Variants in SRPK1 observed in about 807,000 individuals in gnomAD.
SRPK1 encodes the protein SRSF protein kinase 1.
In SRPK1, 52 loss-of-function variants were observed where a neutral mutation model predicts 89.5. That is an observed-to-expected ratio of 0.58 (90% confidence interval 0.46 to 0.73). The LOEUF (loss-of-function observed/expected upper bound fraction) is 0.73, where lower values mean the gene tolerates loss of function less well. SRPK1 is among the 30% of genes least tolerant of loss of function. The pLI, the probability that SRPK1 is intolerant of heterozygous loss-of-function variation, is 0.00. For synonymous variants in SRPK1, 255 were observed against 270.2 expected (o/e 0.94, Z 0.55); for missense variants, 603 against 780.6 (o/e 0.77, Z 2.71).
chr6:35,856,590 G>T (rs1445070381), intron 13 of SRPK1, among the ~76,000 whole-genome samples: 2 of 152,148 alleles, frequency 1.3e-5, no homozygotes, highest in Non-Finnish European at 2.9e-5. Flanking sequence ...AATCCAGACA[G>T]TTATACATAA....
intron 6 of SRPK1, among the ~76,000 whole-genome samples, chr6:35,876,604 G>A (rs550191933): frequency 1.0e-3 from 152 of 152,128 alleles, no homozygotes; most frequent in African/African-American, 3.4e-3. Context: ...ATCATGCCAC[G>A]GCACTCCAGC....
chr6:35,871,078 G>A, intron 8 of SRPK1, 119 bp from the exon 9 acceptor site: 1 of 584,274 alleles, frequency 1.7e-6, no homozygotes. Context: ...ACATTGCAGA[G>A]AAAACTATTG....
At chr6:35,838,603 T>A (rs1769235459) in intron 14 of SRPK1, 174 bp from the exon 15 acceptor site, 1 of 1,530,342 alleles carries the variant, frequency 6.5e-7, no homozygotes, top group African/African-American at 1.4e-5. Flanking sequence ...TAATGGAGAA[T>A]TCACAAAGTC....
At chr6:35,849,820 G>A (rs1769515163) in intron 13 of SRPK1, among the ~76,000 whole-genome samples, 1 of 152,120 alleles carries the variant, frequency 6.6e-6, no homozygotes, top group Non-Finnish European at 1.5e-5. Flanking sequence ...GGTACCAAGT[G>A]TTTCAGATTA....
At chr6:35,900,587 G>C (rs1189747555) in intron 2 of SRPK1, among the ~76,000 whole-genome samples, 1 of 152,186 alleles carries the variant, frequency 6.6e-6, no homozygotes, top group Non-Finnish European at 1.5e-5. Flanking sequence ...AGTTGGGACA[G>C]CAAAGTCCTA....
At chr6:35,868,963 C>A in intron 12 of SRPK1, 47 bp downstream of exon 12, 1 of 1,474,972 alleles carries the variant, frequency 6.8e-7, no homozygotes, top group East Asian at 2.3e-5. Flanking sequence ...AATTCTCATT[C>A]ATCCTCCCAG....
At chr6:35,897,624 C>T (rs1206900561) in intron 2 of SRPK1, among the ~76,000 whole-genome samples, 1 of 152,180 alleles carries the variant, frequency 6.6e-6, no homozygotes, top group African/African-American at 2.4e-5. Flanking sequence ...AAGTGATCCT[C>T]CCACCTCAGT....
At position 35,903,987 on chromosome 6, in the gene SRPK1, A is replaced by T. The variant is rs914336718; in HGVS notation, c.75-12974T>A. 9.4e-5 allele frequency among the ~76,000 whole-genome samples: 14 copies of T among 149,126 alleles called. No individual in the cohort carries two copies. The East Asian group carries it at 2.2e-3, about 23-fold the overall frequency. ...CCCAGCGAATTTTTTTTTTTTTTTT[A>T]AAGACAGGGTCCCACTGAATTGCCC... is the stretch of plus-strand genomic sequence containing the variant. On this transcript the variant is annotated intron_variant, in intron 2 of 15. Transcript: ENST00000373825.
At chr6:35,895,388 A>T (rs1770608261) in intron 2 of SRPK1, among the ~76,000 whole-genome samples, 1 of 152,022 alleles carries the variant, frequency 6.6e-6, no homozygotes, top group Admixed American at 6.6e-5. Context: ...TACGAAGTTA[A>T]AGTGCCTACA....
In SRPK1 at chr6:35,838,382, G is replaced by A; in HGVS notation, c.1738C>T (p.Leu580Phe). ...TTGGAATATTTTCCTGCCACAATGA[G>A]CTTGCGAGGCACCTTCCCCAGAAGT... ...IELLGKVPRK[L>F]IVAGKYSKEF... Residue 580 changes from leucine (L) to phenylalanine (F), a missense_variant, in exon 15 of 16, where the codon CTC (leucine) becomes TTC (phenylalanine). Leu to Phe is a conservative substitution (Grantham distance 22). Coordinates refer to ENST00000373825, the MANE Select transcript of SRPK1 (RefSeq NM_003137.5). 1 of 1,581,566 alleles carries A rather than the reference G, an allele frequency of 6.3e-7. No individual in the cohort carries two copies. The highest frequency in any genetic ancestry group is 8.5e-7 in the Non-Finnish European group (1 of 1,171,732).
intron 13 of SRPK1, among the ~76,000 whole-genome samples, chr6:35,850,036 T>A (rs1276224760): frequency 6.6e-6 from 1 of 151,952 alleles, no homozygotes; most frequent in Non-Finnish European, 1.5e-5. Context: ...GAGAGCAGAA[T>A]GGTGGTTACA....
chr6:35,920,220 G>T (rs745896106), intron 2 of SRPK1: 1 of 598,314 alleles, frequency 1.7e-6, no homozygotes. Flanking sequence ...AAGGTACCGG[G>T]CGGGCTCTGG....
intron 1 of SRPK1, 104 bp from the exon 2 acceptor site, chr6:35,920,632 C>G: frequency 1.0e-6 from 1 of 990,722 alleles, no homozygotes; most frequent in Non-Finnish European, 1.4e-6. Context: ...GCGGGGCCTG[C>G]CTCGGGGGCG....
chr6:35,865,201 C>A (rs1769867379), intron 12 of SRPK1, among the ~76,000 whole-genome samples: 1 of 152,030 alleles, frequency 6.6e-6, no homozygotes, highest in Admixed American at 6.5e-5. Context: ...ATTGTCGTAA[C>A]ACAAAGGATA....
chr6:35,866,219 G>A (rs1769899970), intron 12 of SRPK1, among the ~76,000 whole-genome samples: 1 of 151,998 alleles, frequency 6.6e-6, no homozygotes, highest in South Asian at 2.1e-4. Flanking sequence ...ATAACATGTT[G>A]GAGAGGATGT....
intron 2 of SRPK1, among the ~76,000 whole-genome samples, chr6:35,891,663 G>A (rs1581589880): frequency 6.6e-6 from 1 of 150,816 alleles, no homozygotes; most frequent in East Asian, 1.9e-4. Context: ...GGAAGTGGAG[G>A]CTACGGTGAG....
Position 35,878,937 on chromosome 6 carries a change from G to A in SRPK1, c.479-4598C>T, listed in dbSNP as rs540490528. On this transcript the variant is annotated intron_variant, in intron 6 of 15. Coordinates refer to ENST00000373825, the MANE Select transcript of SRPK1 (RefSeq NM_003137.5). ...GAAACGCTGTCTCTATTAAAATTACGAAAATTAGCCAGGTGTGGTGGCATG... is the reference window on the plus strand; with the variant it reads ...GAAACGCTGTCTCTATTAAAATTACAAAAATTAGCCAGGTGTGGTGGCATG... 1.6e-3 allele frequency among the ~76,000 whole-genome samples: 241 copies of A among 152,010 alleles called. 1 individual carries two copies. Among genetic ancestry groups the A allele is most frequent in the Middle Eastern group, 0.01 (3 of 294 alleles).
At position 35,920,497 on chromosome 6, in the gene SRPK1, G is replaced by T. The variant is rs200997879; in HGVS notation, c.45C>A (p.Thr15=). The T allele has an allele frequency of 1.7e-5, 27 of 1,613,344 alleles. No individual in the cohort carries two copies. Among genetic ancestry groups the T allele is most frequent in the Non-Finnish European group, 2.2e-5 (26 of 1,179,548 alleles). Reference sequence around the variant, plus strand: ...TTTGGGCTTTGTCCTTCTTGGCCTTGGTCCTTTTCTTTCGGGCCTGGAGCG... The same window carrying T: ...TTTGGGCTTTGTCCTTCTTGGCCTTTGTCCTTTTCTTTCGGGCCTGGAGCG... ...VLALQARKKR[T]KAKKDKAQRK... Residue 15 remains threonine, a synonymous_variant, in exon 2 of 16, where the codon ACC becomes ACA. Transcript: ENST00000373825.
chr6:35,864,051 T>A (rs866481696), intron 12 of SRPK1, among the ~76,000 whole-genome samples: 6 of 152,206 alleles, frequency 3.9e-5, no homozygotes, highest in Non-Finnish European at 1.5e-5. Flanking sequence ...CAAAATAGAT[T>A]AAAGACTGAA....
Sources: allele counts gnomAD v4.1 joint callset (sites outside exome capture counted in the v4.1 genomes callset), GRCh38; gene constraint gnomAD v4.1.1; transcripts MANE v1.5; gene names NCBI Gene and HGNC (gene_info 2026-07-23, HGNC 2026-07-21).